Variants in PPP1R21 observed in about 807,000 individuals in gnomAD.
PPP1R21 encodes protein phosphatase 1 regulatory subunit 21.
Under a neutral mutation model 112.8 loss-of-function variants are expected in PPP1R21, and 85 were observed. That is an observed-to-expected ratio of 0.75 (90% CI 0.63 to 0.90). The LOEUF (loss-of-function observed/expected upper bound fraction) is 0.90, where lower values mean the gene tolerates loss of function less well. PPP1R21 is among the 40% of genes least tolerant of loss of function. The pLI, the probability that PPP1R21 is intolerant of heterozygous loss-of-function variation, is 0.00. For missense variants in PPP1R21, 1,199 were observed against 901.5 expected, an observed-to-expected ratio of 1.33 and a Z score of -4.23; for synonymous variants, 381 against 322.3, an observed-to-expected ratio of 1.18 and a Z score of -1.95.
chr2:48,487,779 GAAT>G lies in PPP1R21; in HGVS notation c.1446+1022_1446+1024del, dbSNP rs1161825313. Among the ~76,000 whole-genome samples the G allele has an allele frequency of 2.1e-5, 3 of 145,190 alleles. No individual in the cohort carries two copies. The Admixed American group carries it at 2.1e-4, about 10-fold the overall frequency. On this transcript the variant is annotated intron_variant, in intron 14 of 21. Coordinates refer to ENST00000294952, the MANE Select transcript of PPP1R21 (RefSeq NM_001135629.3). ...CTATCTCAAAAAAAAAAAAAAAAAA[GAAT>G]GTTTTGATCATGGATATTCCTGTTT...
At position 48,488,228 on chromosome 2, in the gene PPP1R21, A is replaced by G. The variant is rs1669397508; in HGVS notation, c.1446+1470A>G. Among the ~76,000 whole-genome samples the G allele has an allele frequency of 5.9e-5, 9 of 152,112 alleles. No homozygotes were observed. The South Asian group carries it at 1.9e-3, about 32-fold the overall frequency. On this transcript the variant is annotated intron_variant, in intron 14 of 21. Transcript: ENST00000294952. ...GTGCAAAGGATTCCTGAGCCAGAGG[A>G]CCATCCCCACTGCCTCCCCTTTCAC...
At chr2:48,484,151 G>A (rs988152070) in intron 13 of PPP1R21, among the ~76,000 whole-genome samples, 12 of 152,156 alleles carry the variant, frequency 7.9e-5, no homozygotes, top group South Asian at 2.1e-4. Context: ...CTGCGTTTGG[G>A]GGTTTGCCAT....
Position 48,440,813 on chromosome 2 carries a change from G to T in PPP1R21, c.-141G>T, listed in dbSNP as rs949561150. ...GGAACCCGGAAGTGGAGGAGGAGGCGCGGCGGCGGCGGCGGCGGCGGCTGC... is the reference window on the plus strand; with the variant it reads ...GGAACCCGGAAGTGGAGGAGGAGGCTCGGCGGCGGCGGCGGCGGCGGCTGC... On this transcript the variant is annotated 5_prime_UTR_variant, in exon 1 of 22. Transcript: ENST00000294952. The T allele has an allele frequency of 4.4e-5, 17 of 382,078 alleles. 1 individual carries two copies. The highest frequency in any genetic ancestry group is 7.3e-5 in the Non-Finnish European group (15 of 206,488). 23.7% of individuals were successfully genotyped at this position (382,078 alleles called of 1,614,324 possible). A position where few individuals can be genotyped will look rare whatever the true frequency, so the allele number is the denominator to read the frequency against.
chr2:48,489,517 A>G (rs534132394), intron 14 of PPP1R21, among the ~76,000 whole-genome samples: 13 of 150,618 alleles, frequency 8.6e-5, no homozygotes, highest in African/African-American at 1.7e-4. Flanking sequence ...TAATTTTTCA[A>G]TTTTGAAAAG....
At chr2:48,452,251 C>T (rs1023989712) in intron 2 of PPP1R21, among the ~76,000 whole-genome samples, 1 of 152,142 alleles carries the variant, frequency 6.6e-6, no homozygotes, top group Non-Finnish European at 1.5e-5. Context: ...TCTGTGATGG[C>T]AGTAATGGTA....
chr2:48,473,088 A>G (rs1173623296), intron 11 of PPP1R21, among the ~76,000 whole-genome samples: 1 of 150,802 alleles, frequency 6.6e-6, no homozygotes, highest in Admixed American at 6.6e-5. Context: ...TAAGAAATAT[A>G]CAATTTTATT....
Position 48,486,761 on chromosome 2 carries a change from A to G in PPP1R21, c.1446+3A>G, listed in dbSNP as rs767122782. The stretch of plus-strand genomic sequence containing the variant: ...CATTAACAAATGGAGCAGGAAAGGT[A>G]ATTCTCTTCTGGCGTATATTGATGT... On this transcript the variant is annotated splice_donor_region_variant and intron_variant, in intron 14 of 21. Transcript: ENST00000294952. 9 of 1,611,364 alleles carry G rather than the reference A, an allele frequency of 5.6e-6. No homozygotes were observed. In the Admixed American group the frequency reaches 1.2e-4, roughly 21 times the overall value.
At chr2:48,458,813 C>T (rs750348300) in intron 4 of PPP1R21, among the ~76,000 whole-genome samples, 9 of 152,164 alleles carry the variant, frequency 5.9e-5, no homozygotes, top group Non-Finnish European at 1.0e-4. Context: ...TCATAGTGGG[C>T]TGGGCGCAGT....
intron 13 of PPP1R21, among the ~76,000 whole-genome samples, chr2:48,480,232 A>G (rs1426711814): frequency 1.3e-5 from 2 of 152,210 alleles, no homozygotes; most frequent in Non-Finnish European, 2.9e-5. Flanking sequence ...ATCCTTGTGT[A>G]CAGTCCTTGT....
At chr2:48,485,096 A>T (rs550103788) in intron 13 of PPP1R21, among the ~76,000 whole-genome samples, 1 of 152,150 alleles carries the variant, frequency 6.6e-6, no homozygotes. Flanking sequence ...TTCAACCCCT[A>T]TGGAAAGCAG....
At chr2:48,512,825 G>A (rs1670701643) in intron 21 of PPP1R21, among the ~76,000 whole-genome samples, 1 of 141,290 alleles carries the variant, frequency 7.1e-6, no homozygotes, top group South Asian at 2.3e-4. Context: ...GGGAGTTGGC[G>A]ATCAGGGGGC....
At chr2:48,509,908 GA>G in intron 19 of PPP1R21, 106 bp from the exon 20 acceptor site, 1 of 651,946 alleles carries the variant, frequency 1.5e-6, no homozygotes, top group Non-Finnish European at 2.7e-6. Flanking sequence ...TTTGTGGAAT[GA>G]ATGAGTAGCT....
intron 15 of PPP1R21, among the ~76,000 whole-genome samples, chr2:48,494,530 G>A (rs1345931406): frequency 2.6e-5 from 4 of 151,582 alleles, no homozygotes; most frequent in Non-Finnish European, 4.4e-5. Context: ...GGGTTCAAGC[G>A]ATTCTCCTGC....
intron 16 of PPP1R21, among the ~76,000 whole-genome samples, chr2:48,496,849 A>C (rs544285540): frequency 6.6e-6 from 1 of 152,328 alleles, no homozygotes; most frequent in East Asian, 1.9e-4. Context: ...GAAAAGCCCA[A>C]GAGGGCAGGG....
At chr2:48,466,285 C>T (rs1235441522) in intron 9 of PPP1R21, among the ~76,000 whole-genome samples, 1 of 151,642 alleles carries the variant, frequency 6.6e-6, no homozygotes, top group African/African-American at 2.4e-5. Flanking sequence ...GATCTTGGTT[C>T]ACTGCAGCCT....
intron 15 of PPP1R21, among the ~76,000 whole-genome samples, chr2:48,492,388 A>G (rs77595942): frequency 0.076 from 11,423 of 149,990 alleles, 608 homozygotes; most frequent in Non-Finnish European, 0.12. Context: ...TCATTTTGCA[A>G]TTTGCTTTTT....
chr2:48,465,128 A>G lies in PPP1R21; in HGVS notation c.747+139A>G, dbSNP rs546487196. ...CTGTTGCTTTACGTGTTTCTCATAC[A>G]TTTATTCAAATGTAGCTTGCTTTTT... On this transcript the variant is annotated intron_variant, in intron 8 of 21. Transcript: ENST00000294952. 1.1e-5 allele frequency: 8 copies of G among 706,992 alleles called. No homozygotes were observed. The East Asian group carries it at 1.3e-4, about 11-fold the overall frequency. The allele number at this position is 706,992 out of a possible 1,614,324, so 43.8% of individuals were successfully genotyped here.
At chr2:48,453,432 G>T (rs1032834765) in intron 2 of PPP1R21, among the ~76,000 whole-genome samples, 3 of 151,820 alleles carry the variant, frequency 2.0e-5, no homozygotes, top group African/African-American at 4.8e-5. Context: ...GGCTTAAGCA[G>T]TCCTCCTGTC....
intron 7 of PPP1R21, among the ~76,000 whole-genome samples, chr2:48,463,079 T>C (rs1668046254): frequency 6.6e-6 from 1 of 152,200 alleles, no homozygotes; most frequent in African/African-American, 2.4e-5. Context: ...ACAGATGGGT[T>C]CATATGTATC....
Sources: gnomAD v4.1 joint callset for allele counts (sites outside exome capture counted in the v4.1 genomes callset) on GRCh38, gnomAD v4.1.1 for gene constraint, MANE v1.5 for transcripts, NCBI Gene and HGNC (gene_info 2026-07-23, HGNC 2026-07-21) for gene names.